Variants in PIK3C2A observed in about 807,000 individuals in gnomAD.
PIK3C2A encodes phosphatidylinositol-4-phosphate 3-kinase catalytic subunit type 2 alpha.
In PIK3C2A, 97 loss-of-function variants were observed where a neutral mutation model predicts 204.5. The ratio of observed to expected loss-of-function variants is 0.47; its 90% CI spans 0.40 to 0.56. The LOEUF is 0.56. Ranked by LOEUF, PIK3C2A falls within the 20% of genes least tolerant of loss-of-function variation. PIK3C2A has a pLI of 0.00. For missense variants in PIK3C2A, 1,735 were observed against 1,969.2 expected (o/e 0.88, Z 2.25); for synonymous variants, 653 against 664.4 (o/e 0.98, Z 0.26).
intron 17 of PIK3C2A, 140 bp downstream of exon 17, chr11:17,119,080 C>T: frequency 1.6e-6 from 1 of 608,424 alleles, no homozygotes; most frequent in African/African-American, 1.9e-5. Flanking sequence ...AAAATTCACA[C>T]TAAATCCAAA....
At chr11:17,194,546 T>G (rs1852072036) in intron 1 of PIK3C2A, 1 of 152,494 alleles carries the variant, frequency 6.6e-6, no homozygotes, top group Non-Finnish European at 1.5e-5. Context: ...CTATTTCAAC[T>G]TGAATAAAGC....
intron 22 of PIK3C2A, among the ~76,000 whole-genome samples, chr11:17,110,163 G>C (rs1027385330): frequency 3.9e-5 from 6 of 152,062 alleles, no homozygotes; most frequent in Non-Finnish European, 7.4e-5. Context: ...ATGTTGCCCA[G>C]GTTGGACTCA....
intron 1 of PIK3C2A, among the ~76,000 whole-genome samples, chr11:17,174,165 C>G (rs1459831150): frequency 6.6e-6 from 1 of 151,976 alleles, no homozygotes; most frequent in East Asian, 1.9e-4. Flanking sequence ...GGCTATTGGA[C>G]AGTCTTAAAG....
At chr11:17,162,508 T>G (rs1277625721) in intron 2 of PIK3C2A, among the ~76,000 whole-genome samples, 1 of 152,180 alleles carries the variant, frequency 6.6e-6, no homozygotes, top group Non-Finnish European at 1.5e-5. Context: ...TCTCCATGCA[T>G]AGTGAACTGT....
intron 1 of PIK3C2A, among the ~76,000 whole-genome samples, chr11:17,201,182 G>C (rs1852359933): frequency 6.6e-6 from 1 of 151,528 alleles, no homozygotes; most frequent in South Asian, 2.1e-4. Flanking sequence ...CTCCAGCCTG[G>C]GTTACAGAGC....
intron 2 of PIK3C2A, among the ~76,000 whole-genome samples, chr11:17,166,206 G>T (rs990546307): frequency 6.6e-6 from 1 of 151,990 alleles, no homozygotes; most frequent in Non-Finnish European, 1.5e-5. Flanking sequence ...GGCCTCATAG[G>T]ATTCTTGTGA....
chr11:17,092,794 T>C (rs1848346064), intron 28 of PIK3C2A, among the ~76,000 whole-genome samples: 1 of 152,224 alleles, frequency 6.6e-6, no homozygotes, highest in African/African-American at 2.4e-5. Context: ...ATATTTATTA[T>C]TAGCTTGGTG....
intron 22 of PIK3C2A, among the ~76,000 whole-genome samples, chr11:17,105,730 T>A (rs977048401): frequency 6.6e-6 from 1 of 152,200 alleles, no homozygotes; most frequent in African/African-American, 2.4e-5. Flanking sequence ...ATGAACTCAT[T>A]CTTTTTATGG....
intron 22 of PIK3C2A, among the ~76,000 whole-genome samples, chr11:17,108,212 T>A (rs1848892928): frequency 6.6e-6 from 1 of 152,118 alleles, no homozygotes; most frequent in South Asian, 2.1e-4. Flanking sequence ...CACTCAAAAA[T>A]CAGGTTTTAA....
rs370829630 is a variant in PIK3C2A at position 17,154,141 on chromosome 11, T to A, written c.1169+1385A>T. The stretch of plus-strand genomic sequence containing the variant: ...TTTTCAATTAGTGGCAGAGTTTGTA[T>A]AAATAGCTCTAAGATTCAAATGGGA... On this transcript the variant is annotated intron_variant, in intron 3 of 32. Transcript: ENST00000691414. Among the ~76,000 whole-genome samples the A allele has an allele frequency of 3.3e-4, 51 of 152,246 alleles. 1 individual carries two copies. The South Asian group carries it at 0.01, about 31-fold the overall frequency.
intron 12 of PIK3C2A, among the ~76,000 whole-genome samples, chr11:17,129,866 C>T (rs1193215532): frequency 3.3e-5 from 5 of 152,160 alleles, no homozygotes; most frequent in African/African-American, 1.2e-4. Context: ...GGATTACAGG[C>T]GTGAGCCACC....
At chr11:17,148,490 G>A (rs1177091141) in intron 5 of PIK3C2A, 177 bp downstream of exon 5, 8 of 591,570 alleles carry the variant, frequency 1.4e-5, no homozygotes, top group Non-Finnish European at 1.2e-5. Context: ...CCCCACCACT[G>A]TCTTAGACAT....
At chr11:17,095,298 G>A (rs755487326) in intron 27 of PIK3C2A, among the ~76,000 whole-genome samples, 80 of 151,368 alleles carry the variant, frequency 5.3e-4, no homozygotes, top group Middle Eastern at 3.5e-3. Flanking sequence ...CCAGGCAGCC[G>A]GGCGCAGTGG....
At chr11:17,102,438 A>G (rs1565241426) in intron 24 of PIK3C2A, among the ~76,000 whole-genome samples, 1 of 152,240 alleles carries the variant, frequency 6.6e-6, no homozygotes, top group Non-Finnish European at 1.5e-5. Flanking sequence ...CTCCGTCTCA[A>G]AAAAATACCA....
chr11:17,202,875 T>C (rs577253363), intron 1 of PIK3C2A, among the ~76,000 whole-genome samples: 12 of 152,276 alleles, frequency 7.9e-5, no homozygotes, highest in Middle Eastern at 3.4e-3. Flanking sequence ...TGCACCAACA[T>C]TGCACATCAG....
intron 19 of PIK3C2A, among the ~76,000 whole-genome samples, chr11:17,114,796 T>A (rs1849126870): frequency 2.6e-5 from 4 of 152,212 alleles, no homozygotes; most frequent in African/African-American, 9.6e-5. Flanking sequence ...AACGATTTCA[T>A]AACTTATTGG....
rs146254453 is a variant in PIK3C2A, at chr11:17,150,443, T to C, written c.1327+55A>G. 99 of 1,425,458 alleles carry C rather than the reference T, an allele frequency of 6.9e-5. No homozygotes were observed. In the South Asian group the frequency reaches 1.4e-3, roughly 20 times the overall value. The allele number at this position is 1,425,458 out of a possible 1,614,324, so 88.3% of individuals were successfully genotyped here. A position where few individuals can be genotyped will look rare whatever the true frequency, so the allele number is the denominator to read the frequency against. ...TAAAAGAATGATAATATTGATATTT[T>C]AAACATTTCCCCCTAACAGAGCAAA... On this transcript the variant is annotated intron_variant, in intron 4 of 32. Transcript: ENST00000691414.
intron 22 of PIK3C2A, 83 bp from the exon 23 acceptor site, chr11:17,105,388 T>C: frequency 8.4e-7 from 1 of 1,192,442 alleles, no homozygotes; most frequent in Non-Finnish European, 1.2e-6. Flanking sequence ...TTATTACTTT[T>C]TAAATTTCAC....
chr11:17,192,229 C>T (rs1021282179), intron 1 of PIK3C2A, among the ~76,000 whole-genome samples: 6 of 152,062 alleles, frequency 3.9e-5, no homozygotes, highest in Non-Finnish European at 8.8e-5. Context: ...TTTGAAGATG[C>T]TCTTTGGGGA....
Sources: allele counts gnomAD v4.1 joint callset (sites outside exome capture counted in the v4.1 genomes callset), GRCh38; gene constraint gnomAD v4.1.1; transcripts MANE v1.5; gene names NCBI Gene and HGNC (gene_info 2026-07-23, HGNC 2026-07-21).